The following STAU2 variants were observed in gnomAD, a reference collection of about 807,000 sequenced individuals.
STAU2 encodes staufen double-stranded RNA binding protein 2, also known as double-stranded RNA-binding protein Staufen homolog 2.
A neutral mutation model predicts 65.9 loss-of-function variants in STAU2; 20 were observed. The ratio of observed to expected loss-of-function variants is 0.30; its 90% CI spans 0.21 to 0.44. STAU2 has a LOEUF of 0.44. Ranked by LOEUF, STAU2 falls within the 20% of genes least tolerant of loss-of-function variation. STAU2 has a pLI of 1.00. For synonymous variants in STAU2, 232 were observed against 233.9 expected (o/e 0.99, Z 0.07); for missense variants, 558 against 683.9 (o/e 0.82, Z 2.05).
chr8:73,524,855 G>A (rs1221798714), intron 13 of STAU2, among the ~76,000 whole-genome samples: 1 of 152,128 alleles, frequency 6.6e-6, no homozygotes, highest in Non-Finnish European at 1.5e-5. Context: ...GCATTTAGTG[G>A]TCCAAGTTTT....
At chr8:73,454,491 T>A (rs1818960001) in intron 13 of STAU2, among the ~76,000 whole-genome samples, 1 of 152,228 alleles carries the variant, frequency 6.6e-6, no homozygotes, top group Non-Finnish European at 1.5e-5. Context: ...GATCTGTGTA[T>A]CTGTATGGAG....
At chr8:73,704,744 C>G (rs1167278087) in intron 4 of STAU2, among the ~76,000 whole-genome samples, 1 of 152,198 alleles carries the variant, frequency 6.6e-6, no homozygotes, top group Non-Finnish European at 1.5e-5. Flanking sequence ...TCTCAGCTCA[C>G]GGCAACCTCC....
At chr8:73,621,577 C>T (rs1813237896) in intron 6 of STAU2, among the ~76,000 whole-genome samples, 1 of 152,208 alleles carries the variant, frequency 6.6e-6, no homozygotes, top group Middle Eastern at 3.4e-3. Flanking sequence ...ATGTTTAGAT[C>T]CCCATAATGA....
At chr8:73,481,774 C>T (rs1271583447) in intron 13 of STAU2, among the ~76,000 whole-genome samples, 5 of 152,068 alleles carry the variant, frequency 3.3e-5, no homozygotes, top group Non-Finnish European at 7.4e-5. Context: ...CTTGTTGAAA[C>T]ATTATAATGA....
intron 13 of STAU2, among the ~76,000 whole-genome samples, chr8:73,536,287 C>T (rs899856389): frequency 6.6e-6 from 1 of 152,088 alleles, no homozygotes; most frequent in African/African-American, 2.4e-5. Context: ...TTTACATATC[C>T]TTGGCTGGGT....
chr8:73,667,257 CA>C (rs1350267497), intron 6 of STAU2, among the ~76,000 whole-genome samples: 1 of 151,942 alleles, frequency 6.6e-6, no homozygotes, highest in African/African-American at 2.4e-5. Context: ...GGAATATTGC[CA>C]AAGCAATATT....
At chr8:73,692,173 T>G (rs2130546726) in intron 4 of STAU2, among the ~76,000 whole-genome samples, 1 of 150,916 alleles carries the variant, frequency 6.6e-6, no homozygotes, top group African/African-American at 2.4e-5. Flanking sequence ...ATTTCCCTTC[T>G]CACACACTTC....
chr8:73,662,299 T>C (rs1816887472), intron 6 of STAU2, among the ~76,000 whole-genome samples: 1 of 152,258 alleles, frequency 6.6e-6, no homozygotes, highest in African/African-American at 2.4e-5. Context: ...TTACGAATGT[T>C]TCCTTCTAAT....
At chr8:73,549,861 G>A in intron 13 of STAU2, 8 of 985,498 alleles carry the variant, frequency 8.1e-6, no homozygotes, top group Non-Finnish European at 9.6e-6. Flanking sequence ...TAACAAGCTG[G>A]TCCTGTAATT....
At chr8:73,730,101 T>C (rs923547453) in intron 3 of STAU2, among the ~76,000 whole-genome samples, 13 of 152,214 alleles carry the variant, frequency 8.5e-5, no homozygotes, top group Admixed American at 7.2e-4. Flanking sequence ...CTTTAAAATG[T>C]AAAGTAAGAT....
chr8:73,518,748 C>T (rs1320051698), intron 13 of STAU2, among the ~76,000 whole-genome samples: 1 of 152,006 alleles, frequency 6.6e-6, no homozygotes, highest in Non-Finnish European at 1.5e-5. Context: ...AATATCTATC[C>T]TGTGGTGAGA....
rs552890633 is a variant in STAU2, at chr8:73,442,889, T to C, written c.1531-20187A>G. 9.5e-4 allele frequency among the ~76,000 whole-genome samples: 144 copies of C among 152,360 alleles called. 1 individual carries two copies. The highest frequency in any genetic ancestry group is 1.6e-3 in the Non-Finnish European group (109 of 68,038). On this transcript the variant is annotated intron_variant, in intron 13 of 14. Coordinates refer to ENST00000524300, the MANE Select transcript of STAU2 (RefSeq NM_001164380.2). The stretch of plus-strand genomic sequence containing the variant: ...TTCAAAAGCAGAAGATTTTCTTCTT[T>C]TGCTTTCTCAAGATATCACGCTAAA...
At chr8:73,675,897 C>T (rs1421801249) in intron 5 of STAU2, among the ~76,000 whole-genome samples, 3 of 152,030 alleles carry the variant, frequency 2.0e-5, no homozygotes, top group African/African-American at 4.8e-5. Context: ...GAACGGTGTC[C>T]GTGTCCTTAA....
intron 3 of STAU2, among the ~76,000 whole-genome samples, chr8:73,711,592 T>C (rs1454396539): frequency 1.3e-5 from 2 of 152,158 alleles, no homozygotes; most frequent in African/African-American, 4.8e-5. Context: ...TTTTATACTA[T>C]GAAAATTGCT....
intron 9 of STAU2, among the ~76,000 whole-genome samples, chr8:73,613,035 T>C (rs1419407222): frequency 1.3e-5 from 2 of 152,238 alleles, no homozygotes. Context: ...AGAGTCACAA[T>C]ATCTTGAAAA....
intron 13 of STAU2, among the ~76,000 whole-genome samples, chr8:73,451,367 A>C (rs1333582433): frequency 6.6e-6 from 1 of 152,176 alleles, no homozygotes; most frequent in Non-Finnish European, 1.5e-5. Flanking sequence ...ACAAGATGAC[A>C]TAAATCTTGC....
chr8:73,527,491 G>T (rs527508312), intron 13 of STAU2: 29 of 414,814 alleles, frequency 7.0e-5, no homozygotes, highest in Admixed American at 4.1e-4. Flanking sequence ...CTGCAAACAA[G>T]AAGTCTAAAA....
intron 13 of STAU2, among the ~76,000 whole-genome samples, chr8:73,478,626 T>G (rs1388708662): frequency 6.6e-6 from 1 of 152,190 alleles, no homozygotes; most frequent in African/African-American, 2.4e-5. Flanking sequence ...ACGGTTTATG[T>G]TCTTTGTTTT....
intron 10 of STAU2, among the ~76,000 whole-genome samples, chr8:73,601,397 G>A (rs900427497): frequency 2.0e-5 from 3 of 151,776 alleles, no homozygotes; most frequent in African/African-American, 7.3e-5. Flanking sequence ...AATCTGCTCT[G>A]GAATAAAATA....
Sources: gnomAD v4.1 joint callset for allele counts (sites outside exome capture counted in the v4.1 genomes callset) on GRCh38, gnomAD v4.1.1 for gene constraint, MANE v1.5 for transcripts, NCBI Gene and HGNC (gene_info 2026-07-23, HGNC 2026-07-21) for gene names.